Variants in ABCA2 observed in about 807,000 individuals in gnomAD.
ABCA2 encodes the protein ATP-binding cassette sub-family A member 2.
A neutral mutation model predicts 262.8 loss-of-function variants in ABCA2; 84 were observed. That is an observed-to-expected ratio of 0.32 (90% CI 0.27 to 0.38). The LOEUF (loss-of-function observed/expected upper bound fraction) is 0.38, where lower values mean the gene tolerates loss of function less well. ABCA2 is among the 10% of genes least tolerant of loss of function. ABCA2 has a pLI of 1.00. For synonymous variants in ABCA2, 1,696 were observed against 1,502.9 expected (o/e 1.13, Z -2.97); for missense variants, 2,662 against 3,405.9 (o/e 0.78, Z 5.44).
chr9:137,016,044 G>C lies in ABCA2; in HGVS notation c.3235C>G (p.Arg1079Gly), dbSNP rs756365490. Residue 1079 changes from arginine (R) to glycine (G), a missense_variant, in exon 22 of 49, where the codon CGG becomes GGG. Transcript: ENST00000341511. ...MCPQHNVLFD[R>G]LTVEEHLWFY... The stretch of plus-strand genomic sequence containing the variant: ...CAGAGGTGTTCCTCCACCGTGAGCC[G>C]GTCAAAGAGCACATTGTGCTGCGGG... The C allele has an allele frequency of 5.6e-5, 91 of 1,612,368 alleles. No individual in the cohort carries two copies. The highest frequency in any genetic ancestry group is 1.7e-5 in the Admixed American group (1 of 59,948).
At chr9:137,008,695 G>A (rs1830920679) in intron 47 of ABCA2, 36 bp downstream of exon 47, 2 of 1,565,400 alleles carry the variant, frequency 1.3e-6, no homozygotes, top group African/African-American at 1.3e-5. Flanking sequence ...TGAGGGGAGG[G>A]GCAGGTGTGG....
In ABCA2 at chr9:137,010,960, G is replaced by T. The variant is rs751543772; in HGVS notation, c.6056+13C>A. On this transcript the variant is annotated intron_variant, in intron 39 of 48. Transcript: ENST00000341511. ...TCCCGCCCCGCCCCCGCCCCACCCCGCCCCCCACTCACTGTGGCCGCCGCA... is the reference window on the plus strand; with the variant it reads ...TCCCGCCCCGCCCCCGCCCCACCCCTCCCCCCACTCACTGTGGCCGCCGCA... The T allele has an allele frequency of 3.8e-5, 13 of 345,838 alleles. No homozygotes were observed. Among genetic ancestry groups the T allele is most frequent in the Admixed American group, 6.0e-5 (1 of 16,714 alleles). The allele number at this position is 345,838 out of a possible 1,614,324, so 21.4% of individuals were successfully genotyped here.
Position 137,019,055 on chromosome 9 carries a change from G to A in ABCA2, c.1570C>T (p.Arg524Trp), listed in dbSNP as rs771908838. The A allele has an allele frequency of 1.9e-5, 30 of 1,611,250 alleles. No homozygotes were observed. Among genetic ancestry groups the A allele is most frequent in the Non-Finnish European group, 2.5e-5 (29 of 1,178,936 alleles). The change falls in exon 12 of 49, where the codon CGG becomes TGG. Residue 524 changes from arginine (R) to tryptophan (W), a missense_variant. Coordinates refer to ENST00000341511, the MANE Select transcript of ABCA2 (RefSeq NM_001606.5). The surrounding 1 kb of genome is among the most constrained non-coding windows in gnomAD (Gnocchi z 4.4). ...AGGTTCAGTGCCTCGGGGTGCAGCC[G>A]CAGCTCTGCTACATACTTGGGGTGG... ...RWLQQYVAEL[R>W]LHPEALNLSL... is the part of the protein sequence containing the mutation.
chr9:137,015,074 G>C lies in ABCA2; in HGVS notation c.3721C>G (p.Pro1241Ala), dbSNP rs1412943056. ...PQEPGLASSP[P>A]GRAPLSSCSE... Reference sequence around the variant, plus strand: ...CAGCTGCTCAGCGGGGCCCGACCTGGGGGGCTGGATGCCAGCCCTGGCTCT... The same window carrying C: ...CAGCTGCTCAGCGGGGCCCGACCTGCGGGGCTGGATGCCAGCCCTGGCTCT... The change falls in exon 25 of 49, where the codon CCA becomes GCA. Residue 1241 changes from proline to alanine, a missense_variant. Coordinates refer to ENST00000341511, the MANE Select transcript of ABCA2 (RefSeq NM_001606.5). 13 of 1,597,396 alleles carry C rather than the reference G, an allele frequency of 8.1e-6. No homozygotes were observed. Among genetic ancestry groups the C allele is most frequent in the Non-Finnish European group, 1.1e-5 (13 of 1,172,750 alleles).
rs1831360708 is a variant in ABCA2, at chr9:137,018,992, T to C, written c.1633A>G (p.Asn545Asp). 4 of 1,612,898 alleles carry C rather than the reference T, an allele frequency of 2.5e-6. No individual in the cohort carries two copies. The highest frequency in any genetic ancestry group is 3.4e-6 in the Non-Finnish European group (4 of 1,179,910). ...GCCATGCCACTGGGCAGCGAGAAGT[T>C]GTCCTGTCTCAGGGCCGGCGGCAGC... ...DELPPALRQD[N>D]FSLPSGMALL... The change falls in exon 12 of 49, where the codon AAC (asparagine) becomes GAC (aspartate). Residue 545 changes from asparagine (N) to aspartate (D), a missense_variant. Asn to Asp is a conservative substitution (Grantham distance 23, BLOSUM62 1). Around this residue, in one of 12 missense-constraint regions of ABCA2, gnomAD observed 187 missense variants for 205.9 expected, o/e 0.91. Transcript: ENST00000341511.
At position 137,020,676 on chromosome 9, in the gene ABCA2, C is replaced by A; in HGVS notation, c.1265+18G>T. On this transcript the variant is annotated intron_variant, in intron 9 of 48. Transcript: ENST00000341511. ...CCTGGCTGTCCTCCTCACCCCCATT[C>A]CCCTGCCGCCCACCTACCGGTTGTT... 2.5e-6 allele frequency: 4 copies of A among 1,597,362 alleles called. No individual in the cohort carries two copies. In the South Asian group the frequency reaches 3.3e-5, roughly 13 times the overall value.
chr9:137,013,298 GC>G lies in ABCA2; in HGVS notation c.4570del (p.Ala1524ProfsTer7). The G allele has an allele frequency of 6.4e-7, 1 of 1,563,900 alleles. No individual in the cohort carries two copies. The highest frequency in any genetic ancestry group is 8.6e-7 in the Non-Finnish European group (1 of 1,161,222). On this transcript the variant is annotated frameshift_variant, in exon 30 of 49. Transcript: ENST00000341511. LOFTEE classifies it high-confidence loss of function. The stretch of plus-strand genomic sequence containing the variant: ...CGTGCTCACGAGCTGCTGGGGGCTG[GC>G]GTCGGGCGATAGCCGCAGCCTGCGG... ...REYRLRLSPD[A>X]SPQQLVSTFR... is the part of the protein sequence containing the mutation.
Position 137,009,395 on chromosome 9 carries a change from C to A in ABCA2, c.6802G>T (p.Gly2268Cys). ...IMVNGRLRCL[G>C]SIQHLKNRFG... ...CGGTTCTTCAGGTGCTGGATGCTGCCCAGGCACCGCAGGCGACCGTTCACC... is the reference window on the plus strand; with the variant it reads ...CGGTTCTTCAGGTGCTGGATGCTGCACAGGCACCGCAGGCGACCGTTCACC... The change falls in exon 45 of 49, where the codon GGC becomes TGC. Residue 2268 changes from glycine to cysteine, a missense_variant. Gly to Cys is a radical substitution (Grantham distance 159). Coordinates refer to ENST00000341511, the MANE Select transcript of ABCA2 (RefSeq NM_001606.5). The A allele has an allele frequency of 6.3e-7, 1 of 1,599,772 alleles. No homozygotes were observed. Among genetic ancestry groups the A allele is most frequent in the Non-Finnish European group, 8.5e-7 (1 of 1,177,602 alleles).
chr9:137,025,050 G>T (rs1831606258), intron 1 of ABCA2, among the ~76,000 whole-genome samples: 1 of 152,170 alleles, frequency 6.6e-6, no homozygotes, highest in Non-Finnish European at 1.5e-5. Flanking sequence ...CGCCCACCTG[G>T]GCGTGAGCCA....
chr9:137,011,095 G>A lies in ABCA2; in HGVS notation c.5934C>T (p.Asp1978=), dbSNP rs1831024395. 3 of 1,612,248 alleles carry A rather than the reference G, an allele frequency of 1.9e-6. No homozygotes were observed. The highest frequency in any genetic ancestry group is 2.5e-6 in the Non-Finnish European group (3 of 1,179,778). Residue 1978 remains aspartate (D), a synonymous_variant, in exon 39 of 49, where the codon GAC becomes GAT. Transcript: ENST00000341511. This position sits in a 1 kb window ranked among gnomAD's most constrained non-coding sequence, Gnocchi z 8.8. ...NEYYAKIGQF[D]KMKSPFEWDI... ...CCCACTCGAACGGGGACTTCATCTT[G>A]TCAAACTGGCCTGCGGGGAGACAGC...
At chr9:137,012,222 C>CCCCCCCA in intron 33 of ABCA2, 43 bp downstream of exon 33, 2 of 1,560,866 alleles carry the variant, frequency 1.3e-6, no homozygotes, top group Non-Finnish European at 1.8e-6. Flanking sequence ...GCCCCGGCCC[C>CCCCCCCA]AGCTCCTCCC....
intron 3 of ABCA2, 163 bp from the exon 4 acceptor site, chr9:137,023,215 T>G (rs1831540572): frequency 7.6e-6 from 5 of 657,850 alleles, no homozygotes; most frequent in South Asian, 7.2e-5. Context: ...TGGCCCCAGC[T>G]GGGCTACAGG....
At position 137,021,729 on chromosome 9, in the gene ABCA2, A is replaced by G; in HGVS notation, c.679-119T>C. The G allele has an allele frequency of 8.0e-7, 1 of 1,248,168 alleles. No homozygotes were observed. The highest frequency in any genetic ancestry group is 2.1e-5 in the Admixed American group (1 of 47,324). 77.3% of individuals were successfully genotyped at this position (1,248,168 alleles called of 1,614,324 possible). On this transcript the variant is annotated intron_variant, in intron 7 of 48. Transcript: ENST00000341511. This position sits in a 1 kb window ranked among gnomAD's most constrained non-coding sequence, Gnocchi z 6.0. ...GCTCTGGGGCTGCCTGGGTCCCACG[A>G]CATGCCTCTACCCCTCATGCCTGCC...
In ABCA2 at chr9:137,007,848, A is replaced by C. The variant is rs1446214353; in HGVS notation, c.*81T>G. The C allele has an allele frequency of 1.3e-6, 2 of 1,571,986 alleles. No homozygotes were observed. The highest frequency in any genetic ancestry group is 2.7e-5 in the African/African-American group (2 of 73,870). ...TCCAGGCCCTGGCAGGCACTGGGGG[A>C]CTTCTGTCCCCATTGTTGAGTCCCT... On this transcript the variant is annotated 3_prime_UTR_variant, in exon 49 of 49. Transcript: ENST00000341511.
Position 137,021,557 on chromosome 9 carries a change from C to G in ABCA2, c.732G>C (p.Ser244=). 1.3e-6 allele frequency: 2 copies of G among 1,582,154 alleles called. No individual in the cohort carries two copies. The highest frequency in any genetic ancestry group is 8.6e-7 in the Non-Finnish European group (1 of 1,165,140). Residue 244 remains serine (S), a synonymous_variant, in exon 8 of 49, where the codon TCG becomes TCC. Transcript: ENST00000341511. The surrounding 1 kb of genome is among the most constrained non-coding windows in gnomAD (Gnocchi z 6.0). The part of the protein sequence containing the change: ...LLEQLTCTPG[S]GELGRILTVP... ...CAGTGAGGATCCGGCCCAGCTCCCC[C>G]GAGCCCGGCGTGCAGGTGAGCTGCT... is the stretch of plus-strand genomic sequence containing the variant.
intron 21 of ABCA2, 53 bp from the exon 22 acceptor site, chr9:137,016,227 T>C (rs1373323695): frequency 4.3e-6 from 7 of 1,610,562 alleles, no homozygotes; most frequent in Non-Finnish European, 5.1e-6. Flanking sequence ...GGCCCCACCC[T>C]GCCCTGACTA....
At position 137,010,966 on chromosome 9, in the gene ABCA2, C is replaced by G. The variant is rs749419248; in HGVS notation, c.6056+7G>C. ...CCCGCCCCCGCCCCACCCCGCCCCC[C>G]ACTCACTGTGGCCGCCGCAGGAAGT... On this transcript the variant is annotated splice_region_variant and intron_variant, in intron 39 of 48. Coordinates refer to ENST00000341511, the MANE Select transcript of ABCA2 (RefSeq NM_001606.5). 1.3e-6 allele frequency: 2 copies of G among 1,522,914 alleles called. No homozygotes were observed. The highest frequency in any genetic ancestry group is 1.4e-5 in the African/African-American group (1 of 71,090). The allele number at this position is 1,522,914 out of a possible 1,614,324, so 94.3% of individuals were successfully genotyped here.
Position 137,012,789 on chromosome 9 carries a change from G to A in ABCA2, c.5004C>T (p.Gly1668=), listed in dbSNP as rs757798868. 8.7e-6 allele frequency: 14 copies of A among 1,612,566 alleles called. No homozygotes were observed. The highest frequency in any genetic ancestry group is 6.6e-5 in the South Asian group (6 of 91,070). ...GGCCGGTGATGTCGGTCAGGATGTC[G>A]CCTGTGACCACCCGCATCTGGGGCG... ...GHPPQMRVVT[G]DILTDITGHN... Residue 1668 remains glycine (G), a synonymous_variant, in exon 31 of 49, where the codon GGC becomes GGT. Transcript: ENST00000341511.
At position 137,024,217 on chromosome 9, in the gene ABCA2, A is replaced by G. The variant is rs1254345285; in HGVS notation, c.86T>C (p.Ile29Thr). 6.2e-7 allele frequency: 1 copy of G among 1,611,552 alleles called. No homozygotes were observed. The highest frequency in any genetic ancestry group is 8.5e-7 in the Non-Finnish European group (1 of 1,179,356). ...RRSPWVLAFE[I>T]FIPLVLFFIL... ...AAAGAACAGCACCAGGGGGATGAAG[A>G]TCTCGAAGGCCAGGACCCACTGGAA... is the stretch of plus-strand genomic sequence containing the variant. The change falls in exon 2 of 49, where the codon ATC (isoleucine) becomes ACC (threonine). Residue 29 changes from isoleucine (I) to threonine (T), a missense_variant. Transcript: ENST00000341511.
Sources: allele counts gnomAD v4.1 joint callset (sites outside exome capture counted in the v4.1 genomes callset), GRCh38; gene constraint gnomAD v4.1.1; regional missense constraint gnomAD v4.1.1; non-coding constraint Gnocchi (gnomAD v3.1); transcripts MANE v1.5; gene names NCBI Gene and HGNC (gene_info 2026-07-23, HGNC 2026-07-21).